WDR26: variants seen among roughly 807,000 people sequenced by gnomAD.
WDR26 encodes the protein WD repeat-containing protein 26.
WDR26 carries 5 observed loss-of-function variants against 84.1 expected under a neutral mutation model. The ratio of observed to expected loss-of-function variants is 0.06; its 90% CI spans 0.03 to 0.13. The LOEUF (loss-of-function observed/expected upper bound fraction) is 0.13, where lower values mean the gene tolerates loss of function less well. Ranked by LOEUF, WDR26 falls within the 10% of genes least tolerant of loss-of-function variation. The pLI is 1.00. For missense variants in WDR26, 642 were observed against 974.9 expected, an observed-to-expected ratio of 0.66 and a Z score of 4.55; for synonymous variants, 415 against 389.6, an observed-to-expected ratio of 1.07 and a Z score of -0.77.
At chr1:224,390,295 T>C (rs1673088740) in intron 13 of WDR26, among the ~76,000 whole-genome samples, 1 of 152,196 alleles carries the variant, frequency 6.6e-6, no homozygotes, top group South Asian at 2.1e-4. Flanking sequence ...ACTTTTTGTA[T>C]TTTTTGTAGA....
chr1:224,408,616 C>T (rs1673646025), intron 7 of WDR26, among the ~76,000 whole-genome samples: 2 of 148,554 alleles, frequency 1.3e-5, no homozygotes, highest in South Asian at 4.2e-4. Context: ...TCCCACTCTG[C>T]CATTACTCAT....
At chr1:224,396,234 T>G (rs1039960640) in intron 12 of WDR26, among the ~76,000 whole-genome samples, 1 of 152,152 alleles carries the variant, frequency 6.6e-6, no homozygotes, top group African/African-American at 2.4e-5. Flanking sequence ...TGTTTCTAAG[T>G]TAGTTTGGGC....
At position 224,386,403 on chromosome 1, in the gene WDR26, A is replaced by AACTGACATGGATATTT. The variant is rs1416307503; in HGVS notation, c.*3416_*3431dup. On this transcript the variant is annotated 3_prime_UTR_variant, in exon 14 of 14. Transcript: ENST00000414423. ...GCAGCCATTCTTCTACTGTGAAAGA[A>AACTGACATGGATATTT]ACTGACATGGATATTTTCCCTTTCA... 2.6e-5 allele frequency: 4 copies of AACTGACATGGATATTT among 152,762 alleles called. No homozygotes were observed. Among genetic ancestry groups the AACTGACATGGATATTT allele is most frequent in the African/African-American group, 7.2e-5 (3 of 41,584 alleles). The allele number at this position is 152,762 out of a possible 1,614,324, so 9.5% of individuals were successfully genotyped here. A position where few individuals can be genotyped will look rare whatever the true frequency, so the allele number is the denominator to read the frequency against.
At position 224,418,363 on chromosome 1, in the gene WDR26, G is replaced by A. The variant is rs374705168; in HGVS notation, c.1216C>T (p.Arg406Trp). The A allele has an allele frequency of 4.3e-6, 7 of 1,613,456 alleles. No individual in the cohort carries two copies. Among genetic ancestry groups the A allele is most frequent in the South Asian group, 2.2e-5 (2 of 91,012 alleles). ...TCCCTTTGTAGTTCCACCGCCTGCC[G>A]CAGGAGAGTCTGTAAACGCCGTGGG... The change falls in exon 6 of 14, where the codon CGG becomes TGG. Residue 406 changes from arginine (R) to tryptophan (W), a missense_variant. Physicochemically the swap from Arg to Trp is moderately radical, Grantham distance 101 (BLOSUM62 -3). Coordinates refer to ENST00000414423, the MANE Select transcript of WDR26 (RefSeq NM_001379403.1).
intron 11 of WDR26, 80 bp from the exon 12 acceptor site, chr1:224,398,306 GC>G (rs2102890896): frequency 6.6e-7 from 1 of 1,515,634 alleles, no homozygotes; most frequent in East Asian, 2.3e-5. Context: ...ATATCCCTTT[GC>G]CTGATGAAAT....
At position 224,424,509 on chromosome 1, in the gene WDR26, T is replaced by G; in HGVS notation, c.1064+9A>C. On this transcript the variant is annotated intron_variant, in intron 4 of 13. Transcript: ENST00000414423. ...CATTAACCTGAGTTCAAGAACTCAG[T>G]TTCCTTACCCACTAAGAACATGAAT... is the stretch of plus-strand genomic sequence containing the variant. 6.2e-7 allele frequency: 1 copy of G among 1,613,454 alleles called. No individual in the cohort carries two copies. Among genetic ancestry groups the G allele is most frequent in the South Asian group, 1.1e-5 (1 of 90,886 alleles).
chr1:224,421,580 ACT>A (rs898896329), intron 4 of WDR26, among the ~76,000 whole-genome samples: 65 of 151,604 alleles, frequency 4.3e-4, no homozygotes, highest in Non-Finnish European at 8.8e-4. Context: ...ATGGAGAGAG[ACT>A]CTGTCTCAAA....
chr1:224,396,906 GAAAA>G (rs1306823597), intron 12 of WDR26, among the ~76,000 whole-genome samples: 1 of 145,126 alleles, frequency 6.9e-6, no homozygotes, highest in Non-Finnish European at 1.6e-5. Context: ...GAAAAGAAAA[GAAAA>G]GAAAAGAAAA....
chr1:224,410,321 AAAG>A (rs1156694438), intron 7 of WDR26, among the ~76,000 whole-genome samples: 3 of 151,848 alleles, frequency 2.0e-5, no homozygotes, highest in East Asian at 3.9e-4. Flanking sequence ...AAAGAAAAGA[AAAG>A]AAGTTTATTT....
In WDR26 at chr1:224,398,958, G is replaced by C. The variant is rs1265462349; in HGVS notation, c.1796C>G (p.Thr599Ser). ...CTGGTGTGTATCTGATGCCAGAACA[G>C]TCTTTCCATCACTCAAGCACCAAAG... Residue 599 changes from threonine to serine, a missense_variant, in exon 10 of 14, where the codon ACT (threonine) becomes AGT (serine). By Grantham distance (58) the Thr-to-Ser change is moderately conservative. Around this residue, in one of 2 missense-constraint regions of WDR26, gnomAD observed 351 missense variants for 672.8 expected, o/e 0.52. Coordinates refer to ENST00000414423, the MANE Select transcript of WDR26 (RefSeq NM_001379403.1). 10 of 1,612,916 alleles carry C rather than the reference G, an allele frequency of 6.2e-6. No homozygotes were observed. Among genetic ancestry groups the C allele is most frequent in the African/African-American group, 1.3e-5 (1 of 74,850 alleles).
Position 224,399,047 on chromosome 1 carries a change from A to T in WDR26, c.1720-13T>A, listed in dbSNP as rs1443732113. 2.6e-6 allele frequency: 4 copies of T among 1,515,060 alleles called. No individual in the cohort carries two copies. 93.9% of individuals were successfully genotyped at this position (1,515,060 alleles called of 1,614,324 possible). On this transcript the variant is annotated splice_polypyrimidine_tract_variant and intron_variant, in intron 9 of 13. Coordinates refer to ENST00000414423, the MANE Select transcript of WDR26 (RefSeq NM_001379403.1). ...TACCATCTAAGTCCTGAGTAAGAAA[A>T]AACTACTATTAACTTCATTACTCAA...
In WDR26 at chr1:224,389,694, A is replaced by T. The variant is rs1263374468; in HGVS notation, c.*141T>A. The T allele has an allele frequency of 5.8e-6, 5 of 856,296 alleles. No individual in the cohort carries two copies. Among genetic ancestry groups the T allele is most frequent in the Non-Finnish European group, 9.6e-6 (5 of 522,598 alleles). The allele number at this position is 856,296 out of a possible 1,614,324, so 53.0% of individuals were successfully genotyped here. On this transcript the variant is annotated 3_prime_UTR_variant, in exon 14 of 14. Transcript: ENST00000414423. ...AAGCAAGGTGTAAATGTTTGGCCCC[A>T]ATCGGGCTTCAGAAATGGTTCTTTT...
rs769063024 is a variant in WDR26, at chr1:224,427,103, C to CTA, written c.928-2450_928-2449insTA. On this transcript the variant is annotated intron_variant, in intron 3 of 13. Transcript: ENST00000414423. ...GGGCAACGAGAGCAAAACTCTGTCT[C>CTA]CAAAAAAAAAAAAAAAAAAAAAAAG... Among the ~76,000 whole-genome samples the CTA allele has an allele frequency of 4.2e-4, 38 of 91,072 alleles. 6 individuals are homozygous for CTA. Among genetic ancestry groups the CTA allele is most frequent in the South Asian group, 1.2e-3 (3 of 2,480 alleles). The allele number at this position is 91,072 out of a possible 152,430, so 59.7% of individuals were successfully genotyped here. A position where few individuals can be genotyped will look rare whatever the true frequency, so the allele number is the denominator to read the frequency against.
chr1:224,412,374 T>C (rs1673763808), intron 6 of WDR26, among the ~76,000 whole-genome samples: 1 of 152,158 alleles, frequency 6.6e-6, no homozygotes, highest in African/African-American at 2.4e-5. Flanking sequence ...GATTCTGAGA[T>C]ATTAAATTAA....
At chr1:224,427,355 G>A (rs902340176) in intron 3 of WDR26, among the ~76,000 whole-genome samples, 2 of 151,740 alleles carry the variant, frequency 1.3e-5, no homozygotes, top group African/African-American at 4.8e-5. Context: ...AGGCTCCTAT[G>A]CCCACCCCTC....
intron 12 of WDR26, among the ~76,000 whole-genome samples, chr1:224,395,843 G>C (rs549906976): frequency 5.3e-5 from 8 of 152,298 alleles, no homozygotes; most frequent in African/African-American, 9.6e-5. Context: ...TCTGTTTGCT[G>C]TATCAATCTG....
At chr1:224,422,415 G>C (rs111859259) in intron 4 of WDR26, among the ~76,000 whole-genome samples, 1 of 152,150 alleles carries the variant, frequency 6.6e-6, no homozygotes, top group Non-Finnish European at 1.5e-5. Context: ...AATATGCATT[G>C]TTAAGAAATT....
intron 12 of WDR26, among the ~76,000 whole-genome samples, chr1:224,394,473 C>T (rs1673205678): frequency 1.3e-5 from 2 of 151,786 alleles, no homozygotes; most frequent in African/African-American, 4.8e-5. Flanking sequence ...TAATCTTCAT[C>T]ACTACCCCAT....
At chr1:224,402,112 G>A (rs1021355204) in intron 8 of WDR26, 32 of 152,190 alleles carry the variant, frequency 2.1e-4, no homozygotes, top group African/African-American at 7.7e-4. Context: ...TAGTTTTCCT[G>A]TGAGAAATGG....
Sources: allele counts gnomAD v4.1 joint callset (sites outside exome capture counted in the v4.1 genomes callset), GRCh38; gene constraint gnomAD v4.1.1; regional missense constraint gnomAD v4.1.1; transcripts MANE v1.5; gene names NCBI Gene and HGNC (gene_info 2026-07-23, HGNC 2026-07-21).